Variants in DLGAP1 observed in about 807,000 individuals in gnomAD.
DLGAP1 encodes the protein disks large-associated protein 1.
In DLGAP1, 11 loss-of-function variants were observed where a neutral mutation model predicts 90.8. The observed-to-expected ratio is 0.12, with a 90% CI of 0.08 to 0.20. The LOEUF (loss-of-function observed/expected upper bound fraction) is 0.20, where lower values mean the gene tolerates loss of function less well. DLGAP1 is among the 10% of genes least tolerant of loss of function. The probability of loss-of-function intolerance (pLI) is 1.00; values close to 1 mark genes in which losing one functional copy is unlikely to be tolerated. For synonymous variants in DLGAP1, 558 were observed against 540.7 expected, an observed-to-expected ratio of 1.03 and a Z score of -0.44; for missense variants, 1,050 against 1,333.8, an observed-to-expected ratio of 0.79 and a Z score of 3.31.
At chr18:4,324,015 A>G (rs2080757826) in intron 1 of DLGAP1, among the ~76,000 whole-genome samples, 1 of 152,136 alleles carries the variant, frequency 6.6e-6, no homozygotes, top group Non-Finnish European at 1.5e-5. Context: ...CAAGAAATAC[A>G]AAATCAGAGT....
At chr18:4,204,750 T>C (rs1051746911) in intron 1 of DLGAP1, among the ~76,000 whole-genome samples, 2 of 152,218 alleles carry the variant, frequency 1.3e-5, no homozygotes, top group Non-Finnish European at 2.9e-5. Context: ...AAATTCAGTT[T>C]AGAATTGTAA....
chr18:4,099,866 A>T (rs777389337), intron 2 of DLGAP1, among the ~76,000 whole-genome samples: 2 of 151,804 alleles, frequency 1.3e-5, no homozygotes, highest in African/African-American at 4.8e-5. Context: ...GCCACATGCA[A>T]GTAAATTTCT....
chr18:4,031,274 G>A (rs1159411228), intron 2 of DLGAP1, among the ~76,000 whole-genome samples: 2 of 152,042 alleles, frequency 1.3e-5, no homozygotes, highest in African/African-American at 2.4e-5. Flanking sequence ...AAAAAGGAAG[G>A]TGGAGTTTTA....
chr18:3,593,815 G>C (rs2056417714), intron 7 of DLGAP1: 3 of 152,100 alleles, frequency 2.0e-5, no homozygotes, highest in Admixed American at 6.6e-5. Flanking sequence ...CTAATCAAAC[G>C]CAACATTGTT....
chr18:4,380,738 G>C (rs1001324086), intron 1 of DLGAP1, among the ~76,000 whole-genome samples: 2 of 152,134 alleles, frequency 1.3e-5, no homozygotes, highest in Non-Finnish European at 2.9e-5. Context: ...CTCTCGGCTT[G>C]TATACTAATT....
intron 7 of DLGAP1, chr18:3,680,185 C>T (rs1361901253): frequency 6.6e-6 from 1 of 152,298 alleles, no homozygotes; most frequent in Non-Finnish European, 1.5e-5. Flanking sequence ...TGGACATCTC[C>T]ATCTGTCATC....
chr18:4,031,705 T>C (rs1479798303), intron 2 of DLGAP1, among the ~76,000 whole-genome samples: 1 of 152,216 alleles, frequency 6.6e-6, no homozygotes, highest in East Asian at 1.9e-4. Flanking sequence ...TGTCTGATGA[T>C]AATGAAAATA....
intron 11 of DLGAP1, among the ~76,000 whole-genome samples, chr18:3,507,547 C>A (rs1439704384): frequency 6.6e-6 from 1 of 151,806 alleles, no homozygotes; most frequent in East Asian, 1.9e-4. Context: ...CAAAAACAAA[C>A]CCTCAAAAAT....
At chr18:3,673,633 G>A (rs1467802066) in intron 7 of DLGAP1, among the ~76,000 whole-genome samples, 7 of 151,982 alleles carry the variant, frequency 4.6e-5, no homozygotes, top group Admixed American at 6.6e-5. Context: ...TGCAACCTTC[G>A]ACTCCTGGGT....
intron 1 of DLGAP1, among the ~76,000 whole-genome samples, chr18:4,411,124 GC>G (rs2082768026): frequency 1.3e-5 from 2 of 152,214 alleles, no homozygotes; most frequent in Admixed American, 1.3e-4. Context: ...ACTTCTCTCA[GC>G]CCCTTGGAGA....
At chr18:3,795,276 T>C (rs1029722506) in intron 5 of DLGAP1, among the ~76,000 whole-genome samples, 2 of 152,162 alleles carry the variant, frequency 1.3e-5, no homozygotes, top group African/African-American at 4.8e-5. Flanking sequence ...TAAACACTTA[T>C]TTAAAAATAT....
At chr18:4,426,557 C>A (rs1399068217) in intron 1 of DLGAP1, among the ~76,000 whole-genome samples, 2 of 152,158 alleles carry the variant, frequency 1.3e-5, no homozygotes, top group African/African-American at 4.8e-5. Flanking sequence ...AGACATCTTG[C>A]CTTTGCACCA....
At chr18:3,607,508 G>C (rs2057380225) in intron 7 of DLGAP1, 1 of 152,128 alleles carries the variant, frequency 6.6e-6, no homozygotes, top group Admixed American at 6.5e-5. Context: ...ACATAAAAAA[G>C]GAATACTAAA....
At chr18:3,780,782 T>C (rs902211479) in intron 5 of DLGAP1, among the ~76,000 whole-genome samples, 5 of 152,178 alleles carry the variant, frequency 3.3e-5, no homozygotes, top group Non-Finnish European at 5.9e-5. Context: ...ATAATATCAA[T>C]ATCAATATGG....
intron 2 of DLGAP1, among the ~76,000 whole-genome samples, chr18:4,016,020 C>G (rs1442739006): frequency 6.6e-6 from 1 of 152,174 alleles, no homozygotes; most frequent in Non-Finnish European, 1.5e-5. Flanking sequence ...TCAGAAAATT[C>G]ATTAATTTTC....
chr18:4,143,152 C>G (rs1465690426), intron 2 of DLGAP1, among the ~76,000 whole-genome samples: 6 of 152,060 alleles, frequency 3.9e-5, no homozygotes, highest in Non-Finnish European at 7.4e-5. Context: ...GGCCCTAGGG[C>G]TCTACAATCA....
At chr18:3,677,022 A>G (rs2060328640) in intron 7 of DLGAP1, among the ~76,000 whole-genome samples, 2 of 151,988 alleles carry the variant, frequency 1.3e-5, no homozygotes, top group African/African-American at 4.8e-5. Context: ...TTTCTCTATT[A>G]TCTACTAACT....
intron 3 of DLGAP1, among the ~76,000 whole-genome samples, chr18:3,963,990 C>G (rs1052442748): frequency 6.6e-6 from 1 of 152,080 alleles, no homozygotes; most frequent in Non-Finnish European, 1.5e-5. Flanking sequence ...CTTTTTATTT[C>G]TATAATGTTG....
In DLGAP1 at chr18:4,383,495, TAGAC is replaced by T. The variant is rs1567877554; in HGVS notation, c.-267+71507_-267+71510del. On this transcript the variant is annotated intron_variant, in intron 1 of 12. Coordinates refer to ENST00000315677, the MANE Select transcript of DLGAP1 (RefSeq NM_004746.4). This position sits in a 1 kb window ranked among gnomAD's most constrained non-coding sequence, Gnocchi z 4.0. The stretch of plus-strand genomic sequence containing the variant: ...CAGGAGCTTGTACTAGAAACAGCAT[TAGAC>T]AGGGAGATAAGAGACCTGGGTTTTA... Among the ~76,000 whole-genome samples the T allele has an allele frequency of 6.6e-6, 1 of 151,998 alleles. No individual in the cohort carries two copies. The highest frequency in any genetic ancestry group is 1.5e-5 in the Non-Finnish European group (1 of 67,966).
Sources: gnomAD v4.1 joint callset for allele counts (sites outside exome capture counted in the v4.1 genomes callset) on GRCh38, gnomAD v4.1.1 for gene constraint, Gnocchi (gnomAD v3.1) non-coding constraint, MANE v1.5 for transcripts, NCBI Gene and HGNC (gene_info 2026-07-23, HGNC 2026-07-21) for gene names.